The following ENPP6 variants were observed in gnomAD, a reference collection of about 807,000 sequenced individuals.
ENPP6 encodes the protein glycerophosphocholine cholinephosphodiesterase ENPP6.
Under a neutral mutation model 42.0 loss-of-function variants are expected in ENPP6, and 32 were observed. The ratio of observed to expected loss-of-function variants is 0.76; its 90% confidence interval spans 0.58 to 1.02. The LOEUF (loss-of-function observed/expected upper bound fraction) is 1.02, where lower values mean the gene tolerates loss of function less well. ENPP6 is among the 50% of genes least tolerant of loss of function. The pLI, the probability that ENPP6 is intolerant of heterozygous loss-of-function variation, is 0.00. For synonymous variants in ENPP6, 213 were observed against 216.0 expected (o/e 0.99, Z 0.12); for missense variants, 552 against 566.8 (o/e 0.97, Z 0.27).
At chr4:184,152,350 C>T (rs987775905) in intron 2 of ENPP6, among the ~76,000 whole-genome samples, 3 of 152,080 alleles carry the variant, frequency 2.0e-5, no homozygotes, top group African/African-American at 7.2e-5. Flanking sequence ...TCCTTGTGGG[C>T]CTTCACCCCC....
chr4:184,194,365 C>T (rs1036769934), intron 1 of ENPP6, among the ~76,000 whole-genome samples: 1 of 152,200 alleles, frequency 6.6e-6, no homozygotes, highest in Non-Finnish European at 1.5e-5. Flanking sequence ...TGGATGCACC[C>T]CTCCTGAGTG....
intron 2 of ENPP6, among the ~76,000 whole-genome samples, chr4:184,149,146 C>A (rs576387278): frequency 4.4e-4 from 67 of 152,282 alleles, no homozygotes; most frequent in African/African-American, 1.6e-3. Flanking sequence ...GAAAAAAATT[C>A]CAGTTTTTAT....
intron 1 of ENPP6, among the ~76,000 whole-genome samples, chr4:184,194,842 T>TGGGC (rs1732769734): frequency 6.6e-6 from 1 of 152,150 alleles, no homozygotes; most frequent in African/African-American, 2.4e-5. Context: ...GACTGGCACA[T>TGGGC]GGGCGTTTGG....
At chr4:184,121,097 C>T (rs371069685) in intron 3 of ENPP6, among the ~76,000 whole-genome samples, 71 of 152,278 alleles carry the variant, frequency 4.7e-4, no homozygotes, top group African/African-American at 1.3e-3. Flanking sequence ...CACAATACCA[C>T]GGACATGAGA....
At chr4:184,116,816 C>A in intron 5 of ENPP6, 40 bp downstream of exon 5, 2 of 1,607,276 alleles carry the variant, frequency 1.2e-6, no homozygotes, top group Non-Finnish European at 1.7e-6. Flanking sequence ...CACACGAGGG[C>A]CCACATGGCC....
chr4:184,179,652 T>C (rs1293692599), intron 1 of ENPP6, among the ~76,000 whole-genome samples: 4 of 151,800 alleles, frequency 2.6e-5, no homozygotes, highest in African/African-American at 9.7e-5. Flanking sequence ...AGAAATGAAA[T>C]AACAAAAAAA....
At chr4:184,114,768 CA>C (rs11327945) in intron 5 of ENPP6, among the ~76,000 whole-genome samples, 112,224 of 129,600 alleles carry the variant, frequency 0.87, 48,954 homozygotes, top group East Asian at 0.98. Flanking sequence ...TCTTTCTTGC[CA>C]AAAAAAAAAA....
chr4:184,169,085 A>C (rs1468395711), intron 1 of ENPP6, among the ~76,000 whole-genome samples: 1 of 152,180 alleles, frequency 6.6e-6, no homozygotes, highest in Non-Finnish European at 1.5e-5. Context: ...TGTAATGGTC[A>C]CTGCAGTGGA....
chr4:184,195,896 T>C (rs1732786249), intron 1 of ENPP6, among the ~76,000 whole-genome samples: 1 of 152,228 alleles, frequency 6.6e-6, no homozygotes, highest in African/African-American at 2.4e-5. Context: ...GACTTCTTTC[T>C]CTCTAATCCT....
At chr4:184,156,889 G>A (rs1737168607) in intron 1 of ENPP6, among the ~76,000 whole-genome samples, 1 of 152,230 alleles carries the variant, frequency 6.6e-6, no homozygotes, top group Admixed American at 6.5e-5. Flanking sequence ...CATGTTATAT[G>A]TTTCATCTCA....
intron 2 of ENPP6, among the ~76,000 whole-genome samples, chr4:184,142,949 C>G (rs1257303628): frequency 6.6e-6 from 1 of 152,224 alleles, no homozygotes; most frequent in Non-Finnish European, 1.5e-5. Flanking sequence ...ACAGCCCCTA[C>G]AGGCCACTTG....
chr4:184,097,155 C>T, intron 7 of ENPP6, 90 bp downstream of exon 7: 1 of 1,564,792 alleles, frequency 6.4e-7, no homozygotes, highest in Non-Finnish European at 8.7e-7. Flanking sequence ...GTAAGGAAAT[C>T]CCTGCAGCCT....
chr4:184,097,050 T>C (rs76670495), intron 7 of ENPP6, among the ~76,000 whole-genome samples, 195 bp downstream of exon 7: 1 of 152,222 alleles, frequency 6.6e-6, no homozygotes, highest in East Asian at 1.9e-4. Context: ...TTTGGCTACA[T>C]TTGCCAAACC....
At chr4:184,138,931 C>T (rs1485794803) in intron 2 of ENPP6, among the ~76,000 whole-genome samples, 1 of 152,216 alleles carries the variant, frequency 6.6e-6, no homozygotes, top group Admixed American at 6.5e-5. Context: ...ATAGGACATC[C>T]TAATTACGAT....
In ENPP6 at chr4:184,116,854, G is replaced by T; in HGVS notation, c.855+2C>A. The T allele has an allele frequency of 6.2e-7, 1 of 1,613,258 alleles. No homozygotes were observed. Among genetic ancestry groups the T allele is most frequent in the Non-Finnish European group, 8.5e-7 (1 of 1,179,944 alleles). ...CCTCCGCCCCCCACGGGTCTGTCTT[G>T]CCTCAGAGTGTTTCCCAGGGGCCGG... is the stretch of plus-strand genomic sequence containing the variant. On this transcript the variant is annotated splice_donor_variant, in intron 5 of 7. Transcript: ENST00000296741. LOFTEE classifies it high-confidence loss of function.
intron 1 of ENPP6, among the ~76,000 whole-genome samples, chr4:184,212,058 T>C (rs1345482616): frequency 1.3e-5 from 2 of 151,538 alleles, no homozygotes; most frequent in Non-Finnish European, 2.9e-5. Flanking sequence ...CTAAAAACTC[T>C]CAATAAATTA....
In ENPP6 at chr4:184,122,827, G is replaced by A. The variant is rs150209595; in HGVS notation, c.533+1334C>T. Among the ~76,000 whole-genome samples, 1,015 of 152,288 alleles carry A rather than the reference G, an allele frequency of 6.7e-3. 13 individuals carry two copies. Among genetic ancestry groups the A allele is most frequent in the African/African-American group, 0.023 (964 of 41,544 alleles). ...CAGCCATGGCCTGTGGGGATGGCTGGCATTCTGGATATGTTGGAAACAGCA... is the reference window on the plus strand; with the variant it reads ...CAGCCATGGCCTGTGGGGATGGCTGACATTCTGGATATGTTGGAAACAGCA... On this transcript the variant is annotated intron_variant, in intron 3 of 7. Coordinates refer to ENST00000296741, the MANE Select transcript of ENPP6 (RefSeq NM_153343.4).
In ENPP6 at chr4:184,117,771, G is replaced by T. The variant is rs1030967482; in HGVS notation, c.663C>A (p.Thr221=). 5 of 1,613,946 alleles carry T rather than the reference G, an allele frequency of 3.1e-6. No homozygotes were observed. In the Admixed American group the frequency reaches 6.7e-5, roughly 22 times the overall value. The change falls in exon 4 of 8, where the codon ACC becomes ACA. Residue 221 remains threonine, a synonymous_variant. Coordinates refer to ENST00000296741, the MANE Select transcript of ENPP6 (RefSeq NM_153343.4). ...TGCTTCAGGTCACCTGGATCCACTT[G>T]GTCATGTACTTCAGGACAGTGTCTA... ...KAVDTVLKYM[T]KWIQERGLQD... is the part of the protein sequence containing the mutation.
At chr4:184,210,632 A>G (rs1733094496) in intron 1 of ENPP6, among the ~76,000 whole-genome samples, 1 of 143,560 alleles carries the variant, frequency 7.0e-6, no homozygotes, top group Non-Finnish European at 1.5e-5. Flanking sequence ...CCACACATTA[A>G]TAATGGGAGA....
Sources: gnomAD v4.1 joint callset for allele counts (sites outside exome capture counted in the v4.1 genomes callset) on GRCh38, gnomAD v4.1.1 for gene constraint, MANE v1.5 for transcripts, NCBI Gene and HGNC (gene_info 2026-07-23, HGNC 2026-07-21) for gene names.